DACH1: variants seen among roughly 807,000 people sequenced by gnomAD.
DACH1 encodes dachshund homolog 1.
Under a neutral mutation model 54.2 loss-of-function variants are expected in DACH1, and 12 were observed. The ratio of observed to expected loss-of-function variants is 0.22; its 90% CI spans 0.14 to 0.36. DACH1 has a LOEUF of 0.36. Ranked by LOEUF, DACH1 falls within the 10% of genes least tolerant of loss-of-function variation. DACH1 has a pLI of 1.00. For missense variants in DACH1, 805 were observed against 929.8 expected (o/e 0.87, Z 1.75); for synonymous variants, 386 against 366.2 (o/e 1.05, Z -0.62).
At position 71,610,176 on chromosome 13, in the gene DACH1, A is replaced by G. The variant is rs1875210191; in HGVS notation, c.1126+20380T>C. Reference sequence around the variant, plus strand: ...AGTGGGAAAGATGATGCTGGACAACATAATTAGGTTCTATGAACCACTAAA... The same window carrying G: ...AGTGGGAAAGATGATGCTGGACAACGTAATTAGGTTCTATGAACCACTAAA... On this transcript the variant is annotated intron_variant, in intron 3 of 10. Transcript: ENST00000613252. 2.7e-5 allele frequency among the ~76,000 whole-genome samples: 4 copies of G among 148,150 alleles called. No individual in the cohort carries two copies. The South Asian group carries it at 8.3e-4, about 31-fold the overall frequency.
chr13:71,767,373 A>G (rs560088175), intron 1 of DACH1, among the ~76,000 whole-genome samples: 7 of 152,200 alleles, frequency 4.6e-5, no homozygotes, highest in Non-Finnish European at 1.0e-4. Context: ...GGGGAATAAA[A>G]TATCTAAGAA....
intron 1 of DACH1, among the ~76,000 whole-genome samples, chr13:71,822,055 A>G (rs1238217242): frequency 6.6e-6 from 1 of 152,056 alleles, no homozygotes; most frequent in Non-Finnish European, 1.5e-5. Context: ...GCGAGATTCC[A>G]TCAAAAAAAA....
At chr13:71,761,736 C>T (rs944943385) in intron 1 of DACH1, among the ~76,000 whole-genome samples, 7 of 151,998 alleles carry the variant, frequency 4.6e-5, no homozygotes, top group Non-Finnish European at 1.0e-4. Flanking sequence ...TTCTGCCGGT[C>T]CTGGAGCCAT....
chr13:71,723,723 CT>C, intron 1 of DACH1, among the ~76,000 whole-genome samples: 1 of 152,278 alleles, frequency 6.6e-6, no homozygotes, highest in East Asian at 1.9e-4. Flanking sequence ...CAGAGTCTCA[CT>C]GCCTTTTCCA....
intron 1 of DACH1, among the ~76,000 whole-genome samples, chr13:71,740,309 AAAAC>A (rs1199038771): frequency 6.6e-6 from 1 of 150,620 alleles, no homozygotes; most frequent in Non-Finnish European, 1.5e-5. Context: ...AATTCACTCT[AAAAC>A]AAAACAAAAA....
intron 1 of DACH1, among the ~76,000 whole-genome samples, chr13:71,799,508 C>T (rs186085352): frequency 2.0e-4 from 31 of 152,102 alleles, no homozygotes; most frequent in Non-Finnish European, 4.0e-4. Context: ...AACAGTTTTA[C>T]AATAGCTTAC....
At chr13:71,839,632 A>T (rs886739919) in intron 1 of DACH1, among the ~76,000 whole-genome samples, 4 of 152,196 alleles carry the variant, frequency 2.6e-5, no homozygotes, top group Non-Finnish European at 4.4e-5. Context: ...AAATAAAAAT[A>T]AAATTAAAAA....
intron 3 of DACH1, among the ~76,000 whole-genome samples, chr13:71,594,092 A>C (rs1297030840): frequency 6.6e-6 from 1 of 151,406 alleles, no homozygotes; most frequent in Admixed American, 6.6e-5. Flanking sequence ...AAATCTAATT[A>C]GTAAAGACAT....
At chr13:71,504,360 C>T (rs564739129) in intron 6 of DACH1, among the ~76,000 whole-genome samples, 2 of 152,114 alleles carry the variant, frequency 1.3e-5, no homozygotes, top group Admixed American at 1.3e-4. Flanking sequence ...TAAAGTATTT[C>T]CTGTTATCTT....
chr13:71,486,226 G>T (rs945373797), intron 7 of DACH1, among the ~76,000 whole-genome samples: 1 of 151,712 alleles, frequency 6.6e-6, no homozygotes, highest in Non-Finnish European at 1.5e-5. Flanking sequence ...ATTTTAAAGG[G>T]TTTTTTGGTC....
chr13:71,472,156 G>A (rs900590072), intron 10 of DACH1, among the ~76,000 whole-genome samples: 3 of 152,074 alleles, frequency 2.0e-5, no homozygotes, highest in African/African-American at 7.2e-5. Flanking sequence ...TTGAATGTCT[G>A]TTCTGTACTT....
chr13:71,621,532 A>T (rs1213925481), intron 3 of DACH1, among the ~76,000 whole-genome samples: 1 of 152,062 alleles, frequency 6.6e-6, no homozygotes, highest in Non-Finnish European at 1.5e-5. Context: ...AAATAATAAC[A>T]TATCATTTCC....
At chr13:71,823,410 C>T (rs977769538) in intron 1 of DACH1, among the ~76,000 whole-genome samples, 4 of 151,972 alleles carry the variant, frequency 2.6e-5, no homozygotes, top group Admixed American at 2.6e-4. Flanking sequence ...AGAGAGCTAT[C>T]GAGCTATGAA....
intron 3 of DACH1, among the ~76,000 whole-genome samples, chr13:71,607,688 T>C (rs1008129477): frequency 6.6e-6 from 1 of 152,026 alleles, no homozygotes; most frequent in Non-Finnish European, 1.5e-5. Flanking sequence ...TACTAAGTTA[T>C]GGTAAACTTA....
intron 6 of DACH1, 70 bp downstream of exon 6, chr13:71,556,954 T>C: frequency 3.5e-6 from 5 of 1,445,270 alleles, no homozygotes; most frequent in Non-Finnish European, 4.6e-6. Flanking sequence ...TAGACTTCAT[T>C]GTGTGATTAA....
rs1025615544 is a variant in DACH1, at chr13:71,496,280, T to C, written c.1571-7132A>G. Among the ~76,000 whole-genome samples the C allele has an allele frequency of 3.6e-5, 4 of 111,296 alleles. 1 individual carries two copies. Among genetic ancestry groups the C allele is most frequent in the Non-Finnish European group, 3.7e-5 (2 of 53,654 alleles). 73.0% of individuals were successfully genotyped at this position (111,296 alleles called of 152,430 possible). A position where few individuals can be genotyped will look rare whatever the true frequency, so the allele number is the denominator to read the frequency against. On this transcript the variant is annotated intron_variant, in intron 6 of 10. Transcript: ENST00000613252. ...TGCTATGTATATATATATATATATATATATATATATATATATATATATATA... is the reference window on the plus strand; with the variant it reads ...TGCTATGTATATATATATATATATACATATATATATATATATATATATATA...
At chr13:71,843,308 C>T (rs1873005800) in intron 1 of DACH1, among the ~76,000 whole-genome samples, 1 of 152,086 alleles carries the variant, frequency 6.6e-6, no homozygotes, top group Admixed American at 6.6e-5. Context: ...CCCTGTCACC[C>T]AGGTTGGAGT....
intron 1 of DACH1, among the ~76,000 whole-genome samples, chr13:71,730,778 C>A (rs1252843788): frequency 6.6e-6 from 1 of 151,872 alleles, no homozygotes; most frequent in African/African-American, 2.4e-5. Context: ...TTGTTATTGT[C>A]TTATCATTAT....
chr13:71,458,812 C>T (rs1405761515), intron 10 of DACH1, among the ~76,000 whole-genome samples: 1 of 151,752 alleles, frequency 6.6e-6, no homozygotes, highest in African/African-American at 2.4e-5. Context: ...AAATTCCTAC[C>T]ACACTGAACA....
Sources: gnomAD v4.1 joint callset for allele counts (sites outside exome capture counted in the v4.1 genomes callset) on GRCh38, gnomAD v4.1.1 for gene constraint, MANE v1.5 for transcripts, NCBI Gene and HGNC (gene_info 2026-07-23, HGNC 2026-07-21) for gene names.